The following NUP50 variants were observed in gnomAD, a reference collection of about 807,000 sequenced individuals.
NUP50 encodes nucleoporin 50, also known as nuclear pore complex protein Nup50.
In NUP50, 14 loss-of-function variants were observed where a neutral mutation model predicts 36.8. The ratio of observed to expected loss-of-function variants is 0.38; its 90% CI spans 0.25 to 0.59. The LOEUF (loss-of-function observed/expected upper bound fraction) is 0.59, where lower values mean the gene tolerates loss of function less well. Ranked by LOEUF, NUP50 falls within the 20% of genes least tolerant of loss-of-function variation. The pLI is 0.63. For missense variants in NUP50, 455 were observed against 564.6 expected, an observed-to-expected ratio of 0.81 and a Z score of 1.97; for synonymous variants, 195 against 210.8, an observed-to-expected ratio of 0.93 and a Z score of 0.65.
At chr22:45,171,041 TG>T (rs2074184888) in intron 2 of NUP50, 17 of 1,304,006 alleles carry the variant, frequency 1.3e-5, no homozygotes, top group Non-Finnish European at 1.7e-5. Flanking sequence ...CTTTCTGACG[TG>T]GACATCAGAA....
intron 3 of NUP50, 92 bp from the exon 4 acceptor site, chr22:45,175,802 G>A (rs942390884): frequency 5.7e-6 from 7 of 1,224,332 alleles, no homozygotes; most frequent in Non-Finnish European, 8.2e-6. Context: ...TGGAGTCTAG[G>A]TGCTGTTTAG....
chr22:45,174,431 C>T (rs778917141), intron 3 of NUP50, among the ~76,000 whole-genome samples: 2 of 152,162 alleles, frequency 1.3e-5, no homozygotes, highest in Non-Finnish European at 2.9e-5. Flanking sequence ...AATGTCTCGG[C>T]CTCCCAAAGT....
At chr22:45,173,581 A>C (rs775144284) in intron 3 of NUP50, among the ~76,000 whole-genome samples, 1 of 152,218 alleles carries the variant, frequency 6.6e-6, no homozygotes, top group Non-Finnish European at 1.5e-5. Context: ...AATTATGGCA[A>C]GGATGGGCAC....
intron 7 of NUP50, chr22:45,184,132 T>A (rs1319612658): frequency 3.0e-6 from 1 of 332,740 alleles, no homozygotes; most frequent in Non-Finnish European, 5.6e-6. Flanking sequence ...TGTGCCACCG[T>A]GTTCTTCCTT....
intron 4 of NUP50, 28 bp downstream of exon 4, chr22:45,176,108 T>C (rs2074273420): frequency 6.2e-7 from 1 of 1,604,130 alleles, no homozygotes. Flanking sequence ...CCCAGCCGCC[T>C]GTGTAAGTAT....
chr22:45,171,694 C>T lies in NUP50; in HGVS notation c.153+11C>T, dbSNP rs1181592109. 1 of 1,609,928 alleles carries T rather than the reference C, an allele frequency of 6.2e-7. No homozygotes were observed. The highest frequency in any genetic ancestry group is 2.2e-5 in the East Asian group (1 of 44,860). The stretch of plus-strand genomic sequence containing the variant: ...AATGTTGGATTTGAAGTGAGTGCCC[C>T]CTTACAGCTCTTGCTATTAAATACT... On this transcript the variant is annotated intron_variant, in intron 3 of 7. Transcript: ENST00000347635.
At chr22:45,170,876 T>C (rs1364324126) in intron 2 of NUP50, 1 of 629,260 alleles carries the variant, frequency 1.6e-6, no homozygotes, top group Non-Finnish European at 2.4e-6. Context: ...TTGGGGCAAG[T>C]GCAGCCAGAT....
intron 1 of NUP50, chr22:45,164,665 G>T: frequency 6.5e-6 from 1 of 152,708 alleles, no homozygotes; most frequent in South Asian, 1.9e-4. Context: ...TGACAGCGGC[G>T]ACGCAGCCCC....
intron 6 of NUP50, among the ~76,000 whole-genome samples, chr22:45,182,629 T>A (rs1038720072): frequency 9.3e-4 from 128 of 137,540 alleles, no homozygotes; most frequent in African/African-American, 3.6e-3. Flanking sequence ...GTTTGTTTTT[T>A]TTTTTTTTTT....
chr22:45,165,204 G>T (rs1018880002), intron 1 of NUP50, among the ~76,000 whole-genome samples: 5 of 152,072 alleles, frequency 3.3e-5, no homozygotes, highest in Admixed American at 1.3e-4. Flanking sequence ...GTCTAATTTG[G>T]TTTTTTACCC....
rs897392499 is a variant in NUP50 at position 45,181,195 on chromosome 22, T to C, written c.1004-91T>C. On this transcript the variant is annotated intron_variant, in intron 5 of 7. Transcript: ENST00000347635. Reference sequence around the variant, plus strand: ...TGTCAGTTTACATGGAGTGCTCCGGTGGAGGTTTAGGGTGTTACGTAACAA... The same window carrying C: ...TGTCAGTTTACATGGAGTGCTCCGGCGGAGGTTTAGGGTGTTACGTAACAA... The C allele has an allele frequency of 4.0e-4, 175 of 437,394 alleles. 2 individuals are homozygous for C. In the East Asian group the frequency reaches 9.9e-3, roughly 25 times the overall value. The allele number at this position is 437,394 out of a possible 1,614,324, so 27.1% of individuals were successfully genotyped here.
intron 5 of NUP50, chr22:45,180,423 T>A (rs2074349243): frequency 6.6e-6 from 1 of 152,270 alleles, no homozygotes; most frequent in Non-Finnish European, 1.5e-5. Flanking sequence ...CCCAGGCTAG[T>A]AGTGCAGTGA....
chr22:45,170,327 C>A (rs56033667), intron 2 of NUP50, among the ~76,000 whole-genome samples: 1 of 144,824 alleles, frequency 6.9e-6, no homozygotes, highest in South Asian at 2.2e-4. Context: ...TCTGTTTCCC[C>A]CTTCGAGGAG....
At position 45,171,196 on chromosome 22, in the gene NUP50, AATTT is replaced by A. The variant is rs539121323; in HGVS notation, c.70-391_70-388del. 1.3e-3 allele frequency: 1,479 copies of A among 1,139,546 alleles called. 6 individuals are homozygous for A. The highest frequency in any genetic ancestry group is 1.2e-3 in the Non-Finnish European group (1,084 of 912,682). The allele number at this position is 1,139,546 out of a possible 1,614,324, so 70.6% of individuals were successfully genotyped here. On this transcript the variant is annotated intron_variant, in intron 2 of 7. Transcript: ENST00000347635. ...ATCATGTGTATGTTATAAATAACAA[AATTT>A]ATTTATTTATTTTTTTGAGACAGTC...
At chr22:45,165,517 G>A (rs896312981) in intron 1 of NUP50, among the ~76,000 whole-genome samples, 4 of 152,186 alleles carry the variant, frequency 2.6e-5, no homozygotes, top group African/African-American at 9.7e-5. Context: ...CTTCATAACA[G>A]TAGCTAGACA....
At chr22:45,167,092 T>A (rs1406429336) in intron 1 of NUP50, among the ~76,000 whole-genome samples, 1 of 152,128 alleles carries the variant, frequency 6.6e-6, no homozygotes, top group Admixed American at 6.5e-5. Flanking sequence ...TGTAATACAC[T>A]CTGTATTACA....
intron 3 of NUP50, chr22:45,172,309 T>G (rs2147675751): frequency 6.6e-6 from 1 of 152,364 alleles, no homozygotes; most frequent in Admixed American, 6.5e-5. Flanking sequence ...CCGCTTTGAA[T>G]ATCCTGGGTG....
Position 45,185,795 on chromosome 22 carries a change from C to G in NUP50, c.*1140C>G, listed in dbSNP as rs945624484. On this transcript the variant is annotated 3_prime_UTR_variant, in exon 8 of 8. Transcript: ENST00000347635. The stretch of plus-strand genomic sequence containing the variant: ...TCACTTCTCCAGAGGTGTCAGGTAA[C>G]TAACACGAGCATTCTTTGAAGACTC... 1.3e-5 allele frequency: 2 copies of G among 152,134 alleles called. No homozygotes were observed. The highest frequency in any genetic ancestry group is 2.9e-5 in the Non-Finnish European group (2 of 68,024). The allele number at this position is 152,134 out of a possible 1,614,324, so 9.4% of individuals were successfully genotyped here.
At position 45,185,183 on chromosome 22, in the gene NUP50, C is replaced by T. The variant is rs1825783158; in HGVS notation, c.*528C>T. 6.1e-6 allele frequency: 1 copy of T among 164,816 alleles called. No homozygotes were observed. Among genetic ancestry groups the T allele is most frequent in the African/African-American group, 2.4e-5 (1 of 41,564 alleles). 10.2% of individuals were successfully genotyped at this position (164,816 alleles called of 1,614,324 possible). A position where few individuals can be genotyped will look rare whatever the true frequency, so the allele number is the denominator to read the frequency against. On this transcript the variant is annotated 3_prime_UTR_variant, in exon 8 of 8. Transcript: ENST00000347635. ...CCTCTGCTTTATTTTTACTTTGAAGCTCAAATGCGAGTACTAAGTGTTCAC... is the reference window on the plus strand; with the variant it reads ...CCTCTGCTTTATTTTTACTTTGAAGTTCAAATGCGAGTACTAAGTGTTCAC...
Sources: gnomAD v4.1 joint callset for allele counts (sites outside exome capture counted in the v4.1 genomes callset) on GRCh38, gnomAD v4.1.1 for gene constraint, MANE v1.5 for transcripts, NCBI Gene and HGNC (gene_info 2026-07-23, HGNC 2026-07-21) for gene names.